KCNMA1: variants seen among roughly 807,000 people sequenced by gnomAD.
KCNMA1 encodes the protein Calcium-activated potassium channel subunit alpha-1.
Under a neutral mutation model 140.0 loss-of-function variants are expected in KCNMA1, and 29 were observed. That is an observed-to-expected ratio of 0.21 (90% CI 0.15 to 0.28). KCNMA1 has a LOEUF of 0.28. Ranked by LOEUF, KCNMA1 falls within the 10% of genes least tolerant of loss-of-function variation. KCNMA1 has a pLI of 1.00. For missense variants in KCNMA1, 880 were observed against 1,602.2 expected (o/e 0.55, Z 7.70); for synonymous variants, 612 against 611.9 (o/e 1.00, Z 0.00).
In KCNMA1 at chr10:77,633,448, A is replaced by T. The variant is rs369777873; in HGVS notation, c.378+3817T>A. On this transcript the variant is annotated intron_variant, in intron 1 of 27. Coordinates refer to ENST00000286628, the MANE Select transcript of KCNMA1 (RefSeq NM_001161352.2). ...AACTCCTCCAAGGCCACCCCAAGTG[A>T]TCTGCTCAAAAAGGAGTATCTCAAG... 5.9e-5 allele frequency among the ~76,000 whole-genome samples: 9 copies of T among 152,136 alleles called. No homozygotes were observed. In the East Asian group the frequency reaches 7.7e-4, roughly 13 times the overall value.
intron 3 of KCNMA1, chr10:77,249,871 G>C (rs773750900): frequency 6.6e-6 from 1 of 152,112 alleles, no homozygotes; most frequent in Non-Finnish European, 1.5e-5. Context: ...GGGAGCATGT[G>C]GAATCTTGTC....
intron 20 of KCNMA1, among the ~76,000 whole-genome samples, chr10:76,961,026 G>A (rs959492453): frequency 1.3e-5 from 2 of 151,646 alleles, no homozygotes; most frequent in African/African-American, 4.9e-5. Flanking sequence ...ATGGATCAAG[G>A]GGTAATTTTG....
At chr10:77,208,127 G>C (rs181919178) in intron 3 of KCNMA1, among the ~76,000 whole-genome samples, 22 of 152,350 alleles carry the variant, frequency 1.4e-4, no homozygotes, top group Middle Eastern at 3.4e-3. Flanking sequence ...TTGCAAATCT[G>C]CGGATACGCA....
chr10:76,931,100 T>C (rs1220323607), intron 23 of KCNMA1, among the ~76,000 whole-genome samples: 2 of 152,142 alleles, frequency 1.3e-5, no homozygotes, highest in Admixed American at 1.3e-4. Flanking sequence ...GATAGTGCTG[T>C]GTAGTACACT....
At chr10:76,989,394 G>C (rs2082137464) in intron 19 of KCNMA1, among the ~76,000 whole-genome samples, 1 of 152,084 alleles carries the variant, frequency 6.6e-6, no homozygotes, top group African/African-American at 2.4e-5. Context: ...CCACGATGTT[G>C]GGTAATAGAC....
At chr10:77,488,059 G>C (rs1438530990) in intron 1 of KCNMA1, among the ~76,000 whole-genome samples, 7 of 152,148 alleles carry the variant, frequency 4.6e-5, no homozygotes, top group Non-Finnish European at 1.0e-4. Flanking sequence ...TTCAATATAT[G>C]CCTATTAATA....
Position 77,110,302 on chromosome 10 carries a change from G to A in KCNMA1, c.1002C>T (p.Asn334=). 7.4e-6 allele frequency: 12 copies of A among 1,614,004 alleles called. No individual in the cohort carries two copies. The highest frequency in any genetic ancestry group is 9.3e-6 in the Non-Finnish European group (11 of 1,179,860). The part of the protein sequence containing the change: ...SGDPWENFQN[N]QALTYWECVY... The stretch of plus-strand genomic sequence containing the variant: ...CACATTCCCAGTAGGTGAGAGCCTG[G>A]TTGTTTTGGAAATTTTCCCATGGGT... The change falls in exon 8 of 28, where the codon AAC becomes AAT. Residue 334 remains asparagine (N), a synonymous_variant. Coordinates refer to ENST00000286628, the MANE Select transcript of KCNMA1 (RefSeq NM_001161352.2).
chr10:77,247,959 C>A (rs1599906623), intron 3 of KCNMA1, among the ~76,000 whole-genome samples: 1 of 152,168 alleles, frequency 6.6e-6, no homozygotes, highest in East Asian at 1.9e-4. Flanking sequence ...TCTTCCCTCA[C>A]AACCACCCTA....
At chr10:77,107,846 T>C (rs1458290752) in intron 9 of KCNMA1, among the ~76,000 whole-genome samples, 1 of 152,196 alleles carries the variant, frequency 6.6e-6, no homozygotes, top group African/African-American at 2.4e-5. Context: ...CGCAGTGCCT[T>C]TGCAGTAGGC....
downstream of KCNMA1, among the ~76,000 whole-genome samples, chr10:76,882,241 G>A (rs1012109016): frequency 2.0e-5 from 3 of 152,162 alleles, no homozygotes; most frequent in African/African-American, 2.4e-5. Context: ...CGCAGAAAAG[G>A]GGAGACAATG....
intron 2 of KCNMA1, among the ~76,000 whole-genome samples, chr10:77,332,802 C>A (rs376528157): frequency 1.4e-4 from 22 of 152,228 alleles, no homozygotes; most frequent in Non-Finnish European, 2.5e-4. Flanking sequence ...ATGAAAGCCA[C>A]TTAATCAGCC....
At chr10:77,118,548 C>A (rs1021898264) in intron 6 of KCNMA1, among the ~76,000 whole-genome samples, 1 of 152,214 alleles carries the variant, frequency 6.6e-6, no homozygotes, top group Non-Finnish European at 1.5e-5. Context: ...AAAGTTTCCC[C>A]AAGTGTTATG....
At chr10:77,243,880 G>A (rs1421135726) in intron 3 of KCNMA1, among the ~76,000 whole-genome samples, 4 of 152,012 alleles carry the variant, frequency 2.6e-5, no homozygotes, top group African/African-American at 9.7e-5. Context: ...TTAGTAGGAG[G>A]GTCATAAAAT....
chr10:77,561,581 A>G (rs1567557126), intron 1 of KCNMA1, among the ~76,000 whole-genome samples: 1 of 152,192 alleles, frequency 6.6e-6, no homozygotes, highest in Non-Finnish European at 1.5e-5. Context: ...GAGACTCGGG[A>G]AAGTTAAATC....
chr10:77,584,338 T>C (rs1446167314), intron 1 of KCNMA1, among the ~76,000 whole-genome samples: 1 of 152,184 alleles, frequency 6.6e-6, no homozygotes. Context: ...ATGTGGTACA[T>C]TTAAGTTGTT....
intron 2 of KCNMA1, among the ~76,000 whole-genome samples, chr10:77,400,805 A>T (rs2096239624): frequency 6.6e-6 from 1 of 152,152 alleles, no homozygotes; most frequent in Admixed American, 6.5e-5. Context: ...ATCATAACAT[A>T]TAAGGTTAGC....
intron 16 of KCNMA1, among the ~76,000 whole-genome samples, chr10:77,025,200 C>T (rs1014105143): frequency 4.4e-5 from 6 of 135,678 alleles, no homozygotes; most frequent in African/African-American, 1.4e-4. Flanking sequence ...CAGAAATAGG[C>T]TACTTCCAAT....
chr10:77,551,406 CA>C (rs1451599995), intron 1 of KCNMA1, among the ~76,000 whole-genome samples: 1 of 151,986 alleles, frequency 6.6e-6, no homozygotes. Context: ...GTATACCCAG[CA>C]AAAATCTCAA....
intron 1 of KCNMA1, among the ~76,000 whole-genome samples, chr10:77,423,111 C>T (rs1055814970): frequency 4.6e-5 from 7 of 152,166 alleles, no homozygotes; most frequent in African/African-American, 1.7e-4. Flanking sequence ...GGTGTCTGCG[C>T]TGGGGTCTGT....
Sources: allele counts gnomAD v4.1 joint callset (sites outside exome capture counted in the v4.1 genomes callset), GRCh38; gene constraint gnomAD v4.1.1; transcripts MANE v1.5; gene names NCBI Gene and HGNC (gene_info 2026-07-23, HGNC 2026-07-21).